The following CDKAL1 variants were observed in gnomAD, a reference collection of about 807,000 sequenced individuals.
CDKAL1 encodes the protein threonylcarbamoyladenosine tRNA methylthiotransferase.
A neutral mutation model predicts 68.2 loss-of-function variants in CDKAL1; 32 were observed. The ratio of observed to expected loss-of-function variants is 0.47; its 90% confidence interval spans 0.35 to 0.63. CDKAL1 has a LOEUF of 0.63. Among genes scored for constraint, CDKAL1 ranks in the 30% least tolerant of loss-of-function variants. The probability of loss-of-function intolerance (pLI) is 0.00; values close to 1 mark genes in which losing one functional copy is unlikely to be tolerated. For missense variants in CDKAL1, 606 were observed against 696.7 expected (o/e 0.87, Z 1.47); for synonymous variants, 234 against 244.3 (o/e 0.96, Z 0.39).
chr6:20,695,839 A>G (rs1771082969), intron 5 of CDKAL1, among the ~76,000 whole-genome samples: 1 of 152,192 alleles, frequency 6.6e-6, no homozygotes, highest in Non-Finnish European at 1.5e-5. Context: ...GTCAATAAGT[A>G]TATTCACATT....
At chr6:20,638,050 T>C (rs1279729539) in intron 4 of CDKAL1, among the ~76,000 whole-genome samples, 1 of 152,218 alleles carries the variant, frequency 6.6e-6, no homozygotes, top group Non-Finnish European at 1.5e-5. Context: ...TGCAGTAGGC[T>C]AACTTCTTAA....
intron 11 of CDKAL1, among the ~76,000 whole-genome samples, chr6:21,038,341 A>G (rs997013147): frequency 6.6e-6 from 1 of 152,196 alleles, no homozygotes; most frequent in Admixed American, 6.5e-5. Flanking sequence ...ATGGTGCTGA[A>G]CTGCAATGTG....
chr6:20,605,041 T>G (rs1299197935), intron 4 of CDKAL1, among the ~76,000 whole-genome samples: 2 of 151,116 alleles, frequency 1.3e-5, no homozygotes, highest in African/African-American at 4.8e-5. Flanking sequence ...CTTACACTAC[T>G]GAGCAAATAC....
At chr6:21,040,168 G>A (rs1769840357) in intron 11 of CDKAL1, among the ~76,000 whole-genome samples, 1 of 152,124 alleles carries the variant, frequency 6.6e-6, no homozygotes, top group African/African-American at 2.4e-5. Flanking sequence ...AAACACATCT[G>A]TTCAAATATG....
intron 9 of CDKAL1, among the ~76,000 whole-genome samples, chr6:20,896,888 A>G (rs1216912284): frequency 1.3e-5 from 2 of 152,168 alleles, no homozygotes. Context: ...GTACAATTCA[A>G]TCAGATGAAA....
chr6:21,141,330 C>G (rs1775898883), intron 13 of CDKAL1, among the ~76,000 whole-genome samples: 1 of 152,218 alleles, frequency 6.6e-6, no homozygotes, highest in African/African-American at 2.4e-5. Flanking sequence ...CTCCACGAAG[C>G]CTTTGCTTCT....
chr6:20,743,464 A>G (rs917493223), intron 6 of CDKAL1, among the ~76,000 whole-genome samples: 2 of 152,190 alleles, frequency 1.3e-5, no homozygotes, highest in African/African-American at 2.4e-5. Context: ...TGCTCATAGC[A>G]TAGGCATTTA....
chr6:20,965,320 AGGAGG>A (rs763402404), intron 10 of CDKAL1, among the ~76,000 whole-genome samples: 100 of 104,458 alleles, frequency 9.6e-4, no homozygotes, highest in Middle Eastern at 5.1e-3. Flanking sequence ...AGAAGAGAAG[AGGAGG>A]GGAGGGGAGG....
chr6:20,640,027 C>T (rs1355753038), intron 4 of CDKAL1, among the ~76,000 whole-genome samples: 1 of 152,188 alleles, frequency 6.6e-6, no homozygotes, highest in Non-Finnish European at 1.5e-5. Flanking sequence ...CTTTCGAATT[C>T]TCTTATTAAA....
chr6:20,985,520 C>T (rs1295980744), intron 10 of CDKAL1, among the ~76,000 whole-genome samples: 1 of 152,170 alleles, frequency 6.6e-6, no homozygotes, highest in Non-Finnish European at 1.5e-5. Flanking sequence ...GTCTTGAACT[C>T]CTGATCTCAG....
At chr6:21,174,734 CTA>C (rs35969558) in intron 13 of CDKAL1, among the ~76,000 whole-genome samples, 108,156 of 150,088 alleles carry the variant, frequency 0.72, 39,463 homozygotes, top group East Asian at 0.94. Context: ...GGCAATTTAA[CTA>C]TATATATATA....
intron 8 of CDKAL1, among the ~76,000 whole-genome samples, chr6:20,824,663 G>A (rs1175283964): frequency 6.6e-6 from 1 of 152,138 alleles, no homozygotes. Flanking sequence ...ATGTTATAAT[G>A]TTATATAATG....
chr6:21,118,580 A>G (rs186292394), intron 13 of CDKAL1, among the ~76,000 whole-genome samples: 4 of 152,370 alleles, frequency 2.6e-5, no homozygotes, highest in Admixed American at 2.6e-4. Context: ...GATTTAGAAG[A>G]CATGATTACA....
At chr6:20,636,836 A>G (rs1412523077) in intron 4 of CDKAL1, among the ~76,000 whole-genome samples, 2 of 152,138 alleles carry the variant, frequency 1.3e-5, no homozygotes, top group Non-Finnish European at 1.5e-5. Context: ...CAGGAGTTCG[A>G]GACCAGCCTG....
At chr6:21,144,285 T>C (rs1465747179) in intron 13 of CDKAL1, among the ~76,000 whole-genome samples, 1 of 152,124 alleles carries the variant, frequency 6.6e-6, no homozygotes, top group African/African-American at 2.4e-5. Flanking sequence ...CCTCACAGAG[T>C]TGTGAAGGTC....
At chr6:21,107,561 C>T (rs926718674) in intron 12 of CDKAL1, among the ~76,000 whole-genome samples, 6 of 151,970 alleles carry the variant, frequency 3.9e-5, no homozygotes, top group African/African-American at 1.5e-4. Flanking sequence ...CTGAGTAGCT[C>T]AGATTACAGG....
chr6:20,785,728 A>G (rs1231888155), intron 8 of CDKAL1, among the ~76,000 whole-genome samples: 1 of 152,116 alleles, frequency 6.6e-6, no homozygotes, highest in African/African-American at 2.4e-5. Context: ...TCTCAGTAAA[A>G]TCCTCACACT....
At chr6:20,657,522 C>A (rs1048058926) in intron 5 of CDKAL1, among the ~76,000 whole-genome samples, 2 of 152,128 alleles carry the variant, frequency 1.3e-5, no homozygotes, top group African/African-American at 4.8e-5. Context: ...TTATGCATCA[C>A]ATCATTTTGT....
intron 5 of CDKAL1, among the ~76,000 whole-genome samples, chr6:20,687,267 A>T (rs1017437672): frequency 2.0e-5 from 3 of 152,196 alleles, no homozygotes; most frequent in African/African-American, 7.2e-5. Context: ...ATTAAAAAAA[A>T]TATGGTAACA....
Sources: gnomAD v4.1 joint callset for allele counts (sites outside exome capture counted in the v4.1 genomes callset) on GRCh38, gnomAD v4.1.1 for gene constraint, MANE v1.5 for transcripts, NCBI Gene and HGNC (gene_info 2026-07-23, HGNC 2026-07-21) for gene names.